CLIP2: variants seen among roughly 807,000 people sequenced by gnomAD.
CLIP2 encodes the protein CAP-Gly domain containing linker protein 2, also known as CAP-Gly domain-containing linker protein 2.
Under a neutral mutation model 111.7 loss-of-function variants are expected in CLIP2, and 41 were observed. The observed-to-expected ratio is 0.37, with a 90% CI of 0.29 to 0.48. The LOEUF (loss-of-function observed/expected upper bound fraction) is 0.48. CLIP2 is among the 20% of genes least tolerant of loss of function. CLIP2 has a pLI of 0.99. For missense variants in CLIP2, 1,160 were observed against 1,422.1 expected, an observed-to-expected ratio of 0.82 and a Z score of 2.96; for synonymous variants, 660 against 644.2, an observed-to-expected ratio of 1.02 and a Z score of -0.37.
intron 11 of CLIP2, chr7:74,381,466 C>T: frequency 2.7e-6 from 1 of 373,798 alleles, no homozygotes; most frequent in Non-Finnish European, 5.4e-6. Context: ...GGATTACAGG[C>T]ATGAGCCACC....
chr7:74,362,432 A>G (rs1790355395), intron 7 of CLIP2, among the ~76,000 whole-genome samples: 3 of 151,404 alleles, frequency 2.0e-5, no homozygotes, highest in Non-Finnish European at 2.9e-5. Flanking sequence ...GGGTGTATTT[A>G]TATTTGCCTG....
intron 8 of CLIP2, among the ~76,000 whole-genome samples, chr7:74,368,702 T>C (rs1188037135): frequency 2.6e-5 from 4 of 152,136 alleles, no homozygotes; most frequent in Non-Finnish European, 4.4e-5. Flanking sequence ...AAGTCCATTC[T>C]CCACACTGAA....
intron 13 of CLIP2, among the ~76,000 whole-genome samples, chr7:74,394,171 A>T (rs782002682): frequency 1.3e-5 from 2 of 151,342 alleles, no homozygotes; most frequent in African/African-American, 4.9e-5. Flanking sequence ...ACAGCTGTCA[A>T]CAGCCTCCTT....
At chr7:74,369,854 C>CA (rs58294211) in intron 8 of CLIP2, among the ~76,000 whole-genome samples, 3,603 of 9,468 alleles carry the variant, frequency 0.38, 997 homozygotes, top group East Asian at 0.49. Flanking sequence ...GACTCTGCCT[C>CA]AAAAAAAAAA....
chr7:74,387,407 C>G (rs545936400), intron 12 of CLIP2, among the ~76,000 whole-genome samples: 10 of 152,160 alleles, frequency 6.6e-5, no homozygotes, highest in Non-Finnish European at 1.3e-4. Context: ...CACCACCACA[C>G]CCGGCTAATT....
At chr7:74,358,786 G>A (rs549473943) in intron 6 of CLIP2, among the ~76,000 whole-genome samples, 1 of 151,826 alleles carries the variant, frequency 6.6e-6, no homozygotes, top group Non-Finnish European at 1.5e-5. Context: ...GCCCAGGCTG[G>A]TCTGAAACTC....
rs1554312689 is a variant in CLIP2 at position 74,375,916 on chromosome 7, G to T, written c.1515G>T (p.Val505=). 1 of 1,586,102 alleles carries T rather than the reference G, an allele frequency of 6.3e-7. No individual in the cohort carries two copies. Among genetic ancestry groups the T allele is most frequent in the South Asian group, 1.1e-5 (1 of 87,420 alleles). The change falls in exon 10 of 17, where the codon GTG becomes GTT. Residue 505 remains valine (V), a synonymous_variant. Transcript: ENST00000223398. ...CCACAGTGGCCGAGAAGTCGCGCGT[G>T]CTGCAGCTGGAGGAGGAGCTCACCC... ...RLTTVAEKSR[V]LQLEEELTLR...
intron 3 of CLIP2, among the ~76,000 whole-genome samples, chr7:74,352,995 T>A (rs1790049403): frequency 6.6e-6 from 1 of 150,976 alleles, no homozygotes; most frequent in Admixed American, 6.6e-5. Context: ...AAAAATTTTT[T>A]AAAAACTTAG....
At position 74,404,543 on chromosome 7, in the gene CLIP2, C is replaced by G. The variant is rs1791715644; in HGVS notation, c.*695C>G. 1 of 153,054 alleles carries G rather than the reference C, an allele frequency of 6.5e-6. No individual in the cohort carries two copies. Among genetic ancestry groups the G allele is most frequent in the Non-Finnish European group, 1.5e-5 (1 of 68,398 alleles). 9.5% of individuals were successfully genotyped at this position (153,054 alleles called of 1,614,324 possible). A position where few individuals can be genotyped will look rare whatever the true frequency, so the allele number is the denominator to read the frequency against. ...CCAACACACACACACCTCTAAGCTG[C>G]TGGCCGAAGATGTCACCAAGGCCAA... On this transcript the variant is annotated 3_prime_UTR_variant, in exon 17 of 17. Coordinates refer to ENST00000223398, the MANE Select transcript of CLIP2 (RefSeq NM_003388.5).
chr7:74,386,681 A>C, intron 12 of CLIP2, 77 bp downstream of exon 12: 1 of 1,213,346 alleles, frequency 8.2e-7, no homozygotes, highest in Non-Finnish European at 1.2e-6. Context: ...TTAAGCATGG[A>C]GTGGGTCAGG....
chr7:74,318,064 G>A (rs2116503240), intron 2 of CLIP2, among the ~76,000 whole-genome samples: 1 of 152,116 alleles, frequency 6.6e-6, no homozygotes, highest in Middle Eastern at 3.4e-3. Flanking sequence ...CAGGCGTGGT[G>A]GCAGGTGCCT....
Position 74,338,203 on chromosome 7 carries a change from A to G in CLIP2, c.122-245A>G, listed in dbSNP as rs1789532472. ...GGTGACAGAGCAAGACCCTGTCTCA[A>G]AAAGTAAATAAACAGGGGTTGGGTG... is the stretch of plus-strand genomic sequence containing the variant. On this transcript the variant is annotated intron_variant, in intron 2 of 16. Transcript: ENST00000223398. The surrounding 1 kb of genome is among the most constrained non-coding windows in gnomAD (Gnocchi z 4.3). Among the ~76,000 whole-genome samples, 1 of 91,454 alleles carries G rather than the reference A, an allele frequency of 1.1e-5. No homozygotes were observed. Among genetic ancestry groups the G allele is most frequent in the Non-Finnish European group, 3.1e-5 (1 of 31,830 alleles). 60.0% of individuals were successfully genotyped at this position (91,454 alleles called of 152,430 possible).
intron 4 of CLIP2, among the ~76,000 whole-genome samples, chr7:74,354,777 T>A (rs1159577013): frequency 6.6e-6 from 1 of 151,186 alleles, no homozygotes; most frequent in Admixed American, 6.6e-5. Context: ...TCAAAAAAAA[T>A]AATAAAAAAT....
At chr7:74,336,406 G>C (rs1789460052) in intron 2 of CLIP2, among the ~76,000 whole-genome samples, 1 of 151,998 alleles carries the variant, frequency 6.6e-6, no homozygotes, top group Admixed American at 6.6e-5. Flanking sequence ...AAGTTTAATG[G>C]ACTCACAGTT....
chr7:74,395,105 C>A (rs1246086766), intron 13 of CLIP2, among the ~76,000 whole-genome samples: 2 of 152,180 alleles, frequency 1.3e-5, no homozygotes, highest in African/African-American at 4.8e-5. Context: ...TCCTTCCATC[C>A]TTCAGTTCTC....
At chr7:74,320,762 G>A (rs1286532919) in intron 2 of CLIP2, among the ~76,000 whole-genome samples, 1 of 152,134 alleles carries the variant, frequency 6.6e-6, no homozygotes, top group Non-Finnish European at 1.5e-5. Flanking sequence ...TTGATAATGG[G>A]GGCAGGGCAG....
chr7:74,296,827 C>T (rs562550169), intron 1 of CLIP2, among the ~76,000 whole-genome samples: 2 of 151,136 alleles, frequency 1.3e-5, no homozygotes, highest in East Asian at 3.9e-4. Context: ...AAGAAACCAA[C>T]CCTGCTGATA....
intron 3 of CLIP2, among the ~76,000 whole-genome samples, chr7:74,342,463 G>A: frequency 6.6e-6 from 1 of 152,156 alleles, no homozygotes; most frequent in Non-Finnish European, 1.5e-5. Flanking sequence ...CATCCCAGAG[G>A]CTGACCTGGG....
chr7:74,389,588 T>TAAAAAA (rs149173666), intron 13 of CLIP2, among the ~76,000 whole-genome samples: 2 of 104,662 alleles, frequency 1.9e-5, no homozygotes, highest in Non-Finnish European at 1.9e-5. Flanking sequence ...CCCCTATCTC[T>TAAAAAA]AAAAAAAAAA....
Sources: allele counts gnomAD v4.1 joint callset (sites outside exome capture counted in the v4.1 genomes callset), GRCh38; gene constraint gnomAD v4.1.1; non-coding constraint Gnocchi (gnomAD v3.1); transcripts MANE v1.5; gene names NCBI Gene and HGNC (gene_info 2026-07-23, HGNC 2026-07-21).